Variants in PLSCR1 observed in about 807,000 individuals in gnomAD.
PLSCR1 encodes the protein PL scramblase 1.
Under a neutral mutation model 37.8 loss-of-function variants are expected in PLSCR1, and 17 were observed. The ratio of observed to expected loss-of-function variants is 0.45; its 90% CI spans 0.31 to 0.68. The LOEUF (loss-of-function observed/expected upper bound fraction) is 0.68. Among genes scored for constraint, PLSCR1 ranks in the 30% least tolerant of loss-of-function variants. The pLI, the probability that PLSCR1 is intolerant of heterozygous loss-of-function variation, is 0.06. For missense variants in PLSCR1, 347 were observed against 380.9 expected (o/e 0.91, Z 0.74); for synonymous variants, 116 against 125.9 (o/e 0.92, Z 0.53).
intron 3 of PLSCR1, among the ~76,000 whole-genome samples, chr3:146,530,925 T>G (rs1179051777): frequency 6.6e-6 from 1 of 152,202 alleles, no homozygotes; most frequent in Non-Finnish European, 1.5e-5. Context: ...AAAACACAGA[T>G]GCAATCCCTG....
chr3:146,528,938 T>A (rs2044158028), intron 3 of PLSCR1, 107 bp from the exon 4 acceptor site: 1 of 732,566 alleles, frequency 1.4e-6, no homozygotes, highest in African/African-American at 1.8e-5. Flanking sequence ...AGCGTAGACA[T>A]CTGTATCTGT....
chr3:146,534,623 T>C (rs2044241982), intron 2 of PLSCR1, among the ~76,000 whole-genome samples: 1 of 151,858 alleles, frequency 6.6e-6, no homozygotes, highest in African/African-American at 2.4e-5. Context: ...CGGAATCCAG[T>C]CCATGGTGAT....
intron 5 of PLSCR1, among the ~76,000 whole-genome samples, chr3:146,522,312 G>A (rs1187280599): frequency 6.6e-6 from 1 of 152,162 alleles, no homozygotes. Context: ...GTAGAAAGAA[G>A]TAGACATAAG....
chr3:146,542,368 C>T (rs2044348282), intron 1 of PLSCR1, among the ~76,000 whole-genome samples: 1 of 152,182 alleles, frequency 6.6e-6, no homozygotes, highest in Admixed American at 6.5e-5. Context: ...ACACCCCCAA[C>T]CCCACCACCC....
At chr3:146,520,343 G>T (rs1167988011) in intron 7 of PLSCR1, among the ~76,000 whole-genome samples, 1 of 152,020 alleles carries the variant, frequency 6.6e-6, no homozygotes, top group Non-Finnish European at 1.5e-5. Flanking sequence ...TAAAATATAT[G>T]CCAGCCAAAC....
In PLSCR1 at chr3:146,533,535, G is replaced by A. The variant is rs1560088435; in HGVS notation, c.29C>T (p.Ala10Val). Residue 10 changes from alanine to valine, a missense_variant, in exon 3 of 9, where the codon GCT becomes GTT. Transcript: ENST00000342435. MDKQNSQMN[A>V]SHPETNLPVG... ...TGGCAAGTTTGTTTCCGGGTGAGAA[G>A]CATTCATCTGTGAGTCTGCAATTCA... 1.9e-6 allele frequency: 3 copies of A among 1,602,340 alleles called. No individual in the cohort carries two copies. The highest frequency in any genetic ancestry group is 2.6e-6 in the Non-Finnish European group (3 of 1,171,028).
At chr3:146,543,652 G>T (rs1214975975) in intron 1 of PLSCR1, among the ~76,000 whole-genome samples, 2 of 152,234 alleles carry the variant, frequency 1.3e-5, no homozygotes, top group Non-Finnish European at 2.9e-5. Flanking sequence ...CAGAGAATCA[G>T]CTTGGAGAAG....
chr3:146,538,302 T>C (rs1365617748), intron 1 of PLSCR1, among the ~76,000 whole-genome samples: 1 of 152,244 alleles, frequency 6.6e-6, no homozygotes, highest in Non-Finnish European at 1.5e-5. Flanking sequence ...TGTGTAAGAC[T>C]AAATTCATAC....
At chr3:146,522,080 A>G in intron 5 of PLSCR1, 27 bp from the exon 6 acceptor site, 1 of 1,192,818 alleles carries the variant, frequency 8.4e-7, no homozygotes, top group Non-Finnish European at 1.3e-6. Context: ...CGAAATCATA[A>G]TCACCTCTAT....
At chr3:146,543,245 C>T (rs901518984) in intron 1 of PLSCR1, among the ~76,000 whole-genome samples, 102 of 152,214 alleles carry the variant, frequency 6.7e-4, no homozygotes, top group African/African-American at 2.4e-3. Context: ...TGCTCACACA[C>T]ATCTGATGTC....
chr3:146,535,588 C>T (rs1326004307), intron 2 of PLSCR1, among the ~76,000 whole-genome samples: 2 of 151,978 alleles, frequency 1.3e-5, no homozygotes, highest in Non-Finnish European at 2.9e-5. Context: ...TCTATTTATG[C>T]AAATACATTC....
chr3:146,533,516 G>C lies in PLSCR1; in HGVS notation c.48C>G (p.Asn16Lys). The change falls in exon 3 of 9, where the codon AAC (asparagine) becomes AAG (lysine). Residue 16 changes from asparagine to lysine, a missense_variant. Coordinates refer to ENST00000342435, the MANE Select transcript of PLSCR1 (RefSeq NM_021105.3). The part of the protein sequence containing the change: ...SQMNASHPET[N>K]LPVGYPPQYP... ...ACTGAGGAGGATACCCAACTGGCAAGTTTGTTTCCGGGTGAGAAGCATTCA... is the reference window on the plus strand; with the variant it reads ...ACTGAGGAGGATACCCAACTGGCAACTTTGTTTCCGGGTGAGAAGCATTCA... 6.2e-7 allele frequency: 1 copy of C among 1,608,222 alleles called. No homozygotes were observed. Among genetic ancestry groups the C allele is most frequent in the Non-Finnish European group, 8.5e-7 (1 of 1,175,684 alleles).
At chr3:146,543,585 A>G (rs2044365320) in intron 1 of PLSCR1, among the ~76,000 whole-genome samples, 1 of 152,262 alleles carries the variant, frequency 6.6e-6, no homozygotes, top group South Asian at 2.1e-4. Context: ...GGAACTGGGA[A>G]GTGGCCATGC....
rs1428451666 is a variant in PLSCR1 at position 146,536,563 on chromosome 3, G to A, written c.-11C>T. 1.4e-6 allele frequency: 2 copies of A among 1,465,300 alleles called. No homozygotes were observed. The highest frequency in any genetic ancestry group is 1.9e-6 in the Non-Finnish European group (2 of 1,045,308). The allele number at this position is 1,465,300 out of a possible 1,614,324, so 90.8% of individuals were successfully genotyped here. On this transcript the variant is annotated splice_region_variant and 5_prime_UTR_variant, in exon 2 of 9. Transcript: ENST00000342435. ...ACTTTGTTTGTCCATGATTAAAACAGTTCTGAAAAAGAAGATCTGACATTA... is the reference window on the plus strand; with the variant it reads ...ACTTTGTTTGTCCATGATTAAAACAATTCTGAAAAAGAAGATCTGACATTA...
Position 146,515,525 on chromosome 3 carries a change from G to A in PLSCR1, c.*520C>T, listed in dbSNP as rs2108612316. ...TAGATTAGCTTCTAGGAGAAGTTAA[G>A]TGTAGCATGATTTCTTGAAGATTAA... On this transcript the variant is annotated 3_prime_UTR_variant, in exon 9 of 9. Transcript: ENST00000342435. 6.6e-6 allele frequency: 1 copy of A among 151,972 alleles called. No homozygotes were observed. Among genetic ancestry groups the A allele is most frequent in the East Asian group, 1.9e-4 (1 of 5,162 alleles). 9.4% of individuals were successfully genotyped at this position (151,972 alleles called of 1,614,324 possible).
intron 4 of PLSCR1, among the ~76,000 whole-genome samples, chr3:146,526,752 G>A (rs2044121743): frequency 6.6e-6 from 1 of 152,040 alleles, no homozygotes; most frequent in African/African-American, 2.4e-5. Flanking sequence ...TGAGCCTAAG[G>A]GACATTATGT....
At chr3:146,535,426 G>C (rs925916347) in intron 2 of PLSCR1, among the ~76,000 whole-genome samples, 1 of 151,994 alleles carries the variant, frequency 6.6e-6, no homozygotes, top group African/African-American at 2.4e-5. Flanking sequence ...TGTTAATTAT[G>C]GTTTGATTAC....
At chr3:146,538,375 C>A (rs1013087201) in intron 1 of PLSCR1, among the ~76,000 whole-genome samples, 1 of 152,064 alleles carries the variant, frequency 6.6e-6, no homozygotes, top group Non-Finnish European at 1.5e-5. Flanking sequence ...CTTTAAAATG[C>A]CAATTTTTTA....
chr3:146,529,149 A>C (rs1428059085), intron 3 of PLSCR1, among the ~76,000 whole-genome samples: 1 of 152,246 alleles, frequency 6.6e-6, no homozygotes, highest in Non-Finnish European at 1.5e-5. Context: ...GATTCTGGCA[A>C]GCCTTCAAGG....
Sources: allele counts gnomAD v4.1 joint callset (sites outside exome capture counted in the v4.1 genomes callset), GRCh38; gene constraint gnomAD v4.1.1; transcripts MANE v1.5; gene names NCBI Gene and HGNC (gene_info 2026-07-23, HGNC 2026-07-21).